SEMA3D: variants seen among roughly 807,000 people sequenced by gnomAD.
SEMA3D encodes semaphorin 3D, also known as semaphorin-3D.
A neutral mutation model predicts 100.1 loss-of-function variants in SEMA3D; 84 were observed. The ratio of observed to expected loss-of-function variants is 0.84; its 90% CI spans 0.70 to 1.01. The LOEUF (loss-of-function observed/expected upper bound fraction) is 1.01. Ranked by LOEUF, SEMA3D falls within the 50% of genes least tolerant of loss-of-function variation. The probability of loss-of-function intolerance (pLI) is 0.00; values close to 1 mark genes in which losing one functional copy is unlikely to be tolerated. For synonymous variants in SEMA3D, 312 were observed against 320.7 expected (o/e 0.97, Z 0.29); for missense variants, 875 against 934.1 (o/e 0.94, Z 0.82).
At chr7:85,183,919 C>T (rs1791468373) in intron 1 of SEMA3D, among the ~76,000 whole-genome samples, 1 of 152,010 alleles carries the variant, frequency 6.6e-6, no homozygotes, top group Admixed American at 6.6e-5. Context: ...CTGAGGAAAA[C>T]CTAACTAATC....
chr7:85,031,798 A>G (rs1185350952), intron 12 of SEMA3D, among the ~76,000 whole-genome samples: 3 of 151,974 alleles, frequency 2.0e-5, no homozygotes, highest in Non-Finnish European at 2.9e-5. Context: ...AGTGTTCAGT[A>G]ATGAGTTTGA....
At chr7:85,037,156 C>T in intron 11 of SEMA3D, 123 bp from the exon 12 acceptor site, 1 of 820,670 alleles carries the variant, frequency 1.2e-6, no homozygotes, top group Non-Finnish European at 1.9e-6. Flanking sequence ...TTGATGGGTA[C>T]TGTAGACACA....
chr7:85,012,611 C>T (rs1478120171), intron 17 of SEMA3D, among the ~76,000 whole-genome samples, 171 bp downstream of exon 17: 1 of 151,714 alleles, frequency 6.6e-6, no homozygotes, highest in African/African-American at 2.4e-5. Context: ...CAATTAGGCA[C>T]GTAGACAGGG....
At chr7:85,073,210 G>C in intron 5 of SEMA3D, 129 bp from the exon 6 acceptor site, 2 of 835,420 alleles carry the variant, frequency 2.4e-6, no homozygotes, top group East Asian at 5.2e-5. Context: ...AGATTTATGA[G>C]AAATTCTAGA....
chr7:85,241,677 G>C, the SEMA3D span, among the ~76,000 whole-genome samples: 1 of 150,760 alleles, frequency 6.6e-6, no homozygotes, highest in Non-Finnish European at 1.5e-5. Flanking sequence ...GTGGGGAAAG[G>C]GTAGGAAGGG....
At chr7:85,118,842 C>A (rs546695547) in intron 3 of SEMA3D, among the ~76,000 whole-genome samples, 2 of 152,174 alleles carry the variant, frequency 1.3e-5, no homozygotes, top group Admixed American at 1.3e-4. Flanking sequence ...TTGCTTTTGG[C>A]AACTTCTTCA....
At chr7:85,208,475 A>AT in the SEMA3D span, among the ~76,000 whole-genome samples, 4 of 151,898 alleles carry the variant, frequency 2.6e-5, no homozygotes, top group Admixed American at 6.6e-5. Flanking sequence ...AAATACTTTA[A>AT]TTTTTTTCTT....
chr7:85,045,775 T>C (rs574958970), intron 9 of SEMA3D, among the ~76,000 whole-genome samples: 2 of 152,056 alleles, frequency 1.3e-5, no homozygotes, highest in South Asian at 4.1e-4. Context: ...CTAAGATAAT[T>C]TTAAATGAAT....
intron 1 of SEMA3D, among the ~76,000 whole-genome samples, chr7:85,178,914 G>C (rs947234608): frequency 6.6e-6 from 1 of 152,178 alleles, no homozygotes; most frequent in Non-Finnish European, 1.5e-5. Context: ...TGCTCCAGCC[G>C]TGGCTAAAAG....
At chr7:85,010,954 C>T (rs1789934926) in intron 17 of SEMA3D, among the ~76,000 whole-genome samples, 1 of 151,746 alleles carries the variant, frequency 6.6e-6, no homozygotes, top group African/African-American at 2.4e-5. Context: ...AAGTTAAGAA[C>T]ACTCAGAAGG....
intron 5 of SEMA3D, among the ~76,000 whole-genome samples, chr7:85,075,458 T>C (rs927982642): frequency 3.3e-5 from 5 of 152,034 alleles, no homozygotes; most frequent in Admixed American, 6.6e-5. Flanking sequence ...CACACCTATT[T>C]TATTTCCTTT....
At chr7:85,214,136 A>T in the SEMA3D span, among the ~76,000 whole-genome samples, 5 of 152,276 alleles carry the variant, frequency 3.3e-5, no homozygotes, top group South Asian at 6.2e-4. Flanking sequence ...TCTGTCAAAC[A>T]TCAAATGGGA....
intron 10 of SEMA3D, chr7:85,041,955 G>A: frequency 2.0e-6 from 1 of 496,674 alleles, no homozygotes; most frequent in Non-Finnish European, 3.6e-6. Context: ...CACTTACTTT[G>A]AGGACTCTTA....
the SEMA3D span, among the ~76,000 whole-genome samples, chr7:85,221,207 GGAGA>G: frequency 6.6e-6 from 1 of 151,966 alleles, no homozygotes; most frequent in Non-Finnish European, 1.5e-5. Context: ...CCTAAACAAG[GGAGA>G]GAGAATAAGG....
intron 3 of SEMA3D, among the ~76,000 whole-genome samples, chr7:85,103,429 G>A (rs941329570): frequency 6.6e-6 from 1 of 151,964 alleles, no homozygotes; most frequent in African/African-American, 2.4e-5. Flanking sequence ...AAGCTTTTTG[G>A]ACAGGAACTT....
intron 2 of SEMA3D, among the ~76,000 whole-genome samples, chr7:85,132,152 G>A (rs957514768): frequency 6.6e-6 from 1 of 151,630 alleles, no homozygotes; most frequent in Non-Finnish European, 1.5e-5. Context: ...AGTATATTTA[G>A]ACATCCATAC....
chr7:85,086,552 T>G (rs747100660), intron 4 of SEMA3D, among the ~76,000 whole-genome samples: 23 of 152,036 alleles, frequency 1.5e-4, no homozygotes, highest in Non-Finnish European at 2.8e-4. Flanking sequence ...ATGCGATATA[T>G]AATGTACAAT....
the SEMA3D span, among the ~76,000 whole-genome samples, chr7:85,204,306 T>C: frequency 6.8e-6 from 1 of 146,734 alleles, no homozygotes; most frequent in African/African-American, 2.5e-5. Flanking sequence ...AGAACTTGAA[T>C]GAATAGACCT....
chr7:85,119,413 ACC>A (rs1247303936), intron 3 of SEMA3D, among the ~76,000 whole-genome samples: 2 of 152,150 alleles, frequency 1.3e-5, no homozygotes, highest in African/African-American at 4.8e-5. Context: ...GTACATACAT[ACC>A]CTGGAATACT....
Sources: allele counts gnomAD v4.1 joint callset (sites outside exome capture counted in the v4.1 genomes callset), GRCh38; gene constraint gnomAD v4.1.1; transcripts MANE v1.5; gene names NCBI Gene and HGNC (gene_info 2026-07-23, HGNC 2026-07-21).